The following EFNA5 variants were observed in gnomAD, a reference collection of about 807,000 sequenced individuals.
EFNA5 encodes the protein ephrin A5.
A neutral mutation model predicts 22.9 loss-of-function variants in EFNA5; 5 were observed. The observed-to-expected ratio is 0.22, with a 90% CI of 0.11 to 0.46. EFNA5 has a LOEUF of 0.46. Among genes scored for constraint, EFNA5 ranks in the 20% least tolerant of loss-of-function variants. The pLI, the probability that EFNA5 is intolerant of heterozygous loss-of-function variation, is 0.99. For synonymous variants in EFNA5, 113 were observed against 112.2 expected, an observed-to-expected ratio of 1.01 and a Z score of -0.04; for missense variants, 237 against 293.3, an observed-to-expected ratio of 0.81 and a Z score of 1.40.
intron 1 of EFNA5, among the ~76,000 whole-genome samples, chr5:107,480,143 C>T (rs1299817323): frequency 1.3e-5 from 2 of 152,092 alleles, no homozygotes; most frequent in African/African-American, 4.8e-5. Flanking sequence ...CACCAATATG[C>T]TTCATATTCA....
intron 1 of EFNA5, among the ~76,000 whole-genome samples, chr5:107,595,333 A>G (rs1035410202): frequency 6.6e-6 from 1 of 152,166 alleles, no homozygotes; most frequent in Non-Finnish European, 1.5e-5. Flanking sequence ...TAATAAAATC[A>G]GACTTACTAT....
At position 107,551,993 on chromosome 5, in the gene EFNA5, G is replaced by A. The variant is rs186136474; in HGVS notation, c.125+118496C>T. 4.9e-3 allele frequency among the ~76,000 whole-genome samples: 744 copies of A among 151,874 alleles called. 10 individuals are homozygous for A. The highest frequency in any genetic ancestry group is 0.017 in the African/African-American group (700 of 41,432). Reference sequence around the variant, plus strand: ...ATGACCAACACTTTCAGCTAAAAGTGTACTTTTATAGCAATCTCTCTCCTC... The same window carrying A: ...ATGACCAACACTTTCAGCTAAAAGTATACTTTTATAGCAATCTCTCTCCTC... On this transcript the variant is annotated intron_variant, in intron 1 of 4. Transcript: ENST00000333274.
chr5:107,648,467 T>C (rs26731), intron 1 of EFNA5, among the ~76,000 whole-genome samples: 52,991 of 152,022 alleles, frequency 0.35, 9,870 homozygotes, highest in African/African-American at 0.47. Context: ...GAAAACCAAA[T>C]AGTTTCAACT....
intron 1 of EFNA5, among the ~76,000 whole-genome samples, chr5:107,568,502 T>C (rs1216951404): frequency 6.6e-6 from 1 of 152,076 alleles, no homozygotes; most frequent in Non-Finnish European, 1.5e-5. Flanking sequence ...AACACTTGAG[T>C]GATCAAACAA....
intron 1 of EFNA5, among the ~76,000 whole-genome samples, chr5:107,525,994 T>C (rs1747689657): frequency 6.6e-6 from 1 of 152,212 alleles, no homozygotes; most frequent in Non-Finnish European, 1.5e-5. Context: ...TATACTGTAC[T>C]ATAGAAGATA....
At chr5:107,517,836 T>A (rs919675016) in intron 1 of EFNA5, among the ~76,000 whole-genome samples, 2 of 152,232 alleles carry the variant, frequency 1.3e-5, no homozygotes, top group Non-Finnish European at 2.9e-5. Flanking sequence ...ATTTTCATTA[T>A]AATCTGCTAA....
chr5:107,656,442 T>C (rs12514246), intron 1 of EFNA5, among the ~76,000 whole-genome samples: 18,042 of 152,150 alleles, frequency 0.12, 1,421 homozygotes, highest in Non-Finnish European at 0.17. Flanking sequence ...GAACAACATA[T>C]ATTACAAAAT....
At chr5:107,634,161 C>T (rs1216881855) in intron 1 of EFNA5, among the ~76,000 whole-genome samples, 1 of 152,126 alleles carries the variant, frequency 6.6e-6, no homozygotes, top group Non-Finnish European at 1.5e-5. Flanking sequence ...GACACCTCAC[C>T]ATTTCTCAAC....
At chr5:107,666,644 G>C (rs1751080585) in intron 1 of EFNA5, among the ~76,000 whole-genome samples, 2 of 152,082 alleles carry the variant, frequency 1.3e-5, no homozygotes, top group South Asian at 4.1e-4. Flanking sequence ...CAAAGCACCA[G>C]GTTGAGGACG....
intron 4 of EFNA5, among the ~76,000 whole-genome samples, chr5:107,384,187 C>T (rs774800130): frequency 9.2e-5 from 14 of 152,180 alleles, no homozygotes; most frequent in Non-Finnish European, 1.2e-4. Flanking sequence ...GGAAACTACA[C>T]CTAAACATGA....
At chr5:107,650,928 C>T (rs138158475) in intron 1 of EFNA5, among the ~76,000 whole-genome samples, 10 of 152,316 alleles carry the variant, frequency 6.6e-5, no homozygotes, top group East Asian at 1.9e-4. Context: ...ATTTAACCTC[C>T]GGTTATACTA....
intron 1 of EFNA5, among the ~76,000 whole-genome samples, chr5:107,437,883 C>G (rs776532084): frequency 2.0e-5 from 3 of 152,078 alleles, no homozygotes; most frequent in Non-Finnish European, 4.4e-5. Flanking sequence ...AAATGATAAC[C>G]AGGACTGTTG....
rs58619326 is a variant in EFNA5, at chr5:107,395,034, C to CTTTTTTTTTTTTTTTTTTTT, written c.419-7264_419-7263insAAAAAAAAAAAAAAAAAAAA. On this transcript the variant is annotated intron_variant, in intron 2 of 4. Coordinates refer to ENST00000333274, the MANE Select transcript of EFNA5 (RefSeq NM_001962.3). Reference sequence around the variant, plus strand: ...CCCCTTATAAGAAGGATTTCTAGTTCTTTTTTTTTTTTTTTTTTCCGCGAG... The same window carrying CTTTTTTTTTTTTTTTTTTTT: ...CCCCTTATAAGAAGGATTTCTAGTTCTTTTTTTTTTTTTTTTTTTTTTTTTTTTTTTTTTTTTTCCGCGAG... 1.7e-4 allele frequency among the ~76,000 whole-genome samples: 15 copies of CTTTTTTTTTTTTTTTTTTTT among 86,130 alleles called. 2 individuals are homozygous for CTTTTTTTTTTTTTTTTTTTT. Among genetic ancestry groups the CTTTTTTTTTTTTTTTTTTTT allele is most frequent in the South Asian group, 4.0e-4 (1 of 2,512 alleles). The allele number at this position is 86,130 out of a possible 152,430, so 56.5% of individuals were successfully genotyped here. A position where few individuals can be genotyped will look rare whatever the true frequency, so the allele number is the denominator to read the frequency against.
At chr5:107,518,489 C>G (rs1747529121) in intron 1 of EFNA5, among the ~76,000 whole-genome samples, 3 of 151,962 alleles carry the variant, frequency 2.0e-5, no homozygotes, top group Admixed American at 2.0e-4. Flanking sequence ...ACAGGCAAAG[C>G]CTGGGGGACT....
intron 1 of EFNA5, among the ~76,000 whole-genome samples, chr5:107,503,943 C>A (rs186882325): frequency 9.8e-5 from 15 of 152,288 alleles, no homozygotes; most frequent in African/African-American, 3.6e-4. Flanking sequence ...TTACAGCATG[C>A]ATTGAATTAG....
chr5:107,477,415 T>C (rs1202831286), intron 1 of EFNA5, among the ~76,000 whole-genome samples: 1 of 152,178 alleles, frequency 6.6e-6, no homozygotes, highest in Non-Finnish European at 1.5e-5. Context: ...CAAAGTCGCA[T>C]ATGTGATTTA....
intron 1 of EFNA5, among the ~76,000 whole-genome samples, chr5:107,646,287 ACT>A (rs1203128673): frequency 6.6e-6 from 1 of 152,016 alleles, no homozygotes; most frequent in Non-Finnish European, 1.5e-5. Context: ...TAATTATTTC[ACT>A]CTGTATATCA....
chr5:107,534,823 T>C (rs1747896014), intron 1 of EFNA5, among the ~76,000 whole-genome samples: 1 of 152,202 alleles, frequency 6.6e-6, no homozygotes, highest in Admixed American at 6.5e-5. Flanking sequence ...AGCCAAATGA[T>C]GTTCTAAAGG....
intron 2 of EFNA5, chr5:107,388,344 TA>T (rs2112488740): frequency 6.6e-6 from 1 of 152,586 alleles, no homozygotes; most frequent in East Asian, 1.9e-4. Context: ...CTCTGCATTC[TA>T]TATGACTAAC....
Sources: gnomAD v4.1 joint callset for allele counts (sites outside exome capture counted in the v4.1 genomes callset) on GRCh38, gnomAD v4.1.1 for gene constraint, MANE v1.5 for transcripts, NCBI Gene and HGNC (gene_info 2026-07-23, HGNC 2026-07-21) for gene names.